The following GRK7 variants were observed in gnomAD, a reference collection of about 807,000 sequenced individuals.
GRK7 encodes rhodopsin kinase GRK7.
GRK7 carries 24 observed loss-of-function variants against 34.1 expected under a neutral mutation model. The ratio of observed to expected loss-of-function variants is 0.70; its 90% CI spans 0.51 to 0.99. The LOEUF is 0.99. Ranked by LOEUF, GRK7 falls within the 50% of genes least tolerant of loss-of-function variation. The pLI, the probability that GRK7 is intolerant of heterozygous loss-of-function variation, is 0.00. For missense variants in GRK7, 644 were observed against 707.3 expected (o/e 0.91, Z 1.02); for synonymous variants, 256 against 279.4 (o/e 0.92, Z 0.84).
chr3:141,792,403 CAA>C (rs112448886), intron 4 of GRK7, among the ~76,000 whole-genome samples: 79 of 84,528 alleles, frequency 9.3e-4, no homozygotes, highest in South Asian at 3.1e-3. Flanking sequence ...GATTTTGTCT[CAA>C]AAAAAAAAAA....
At chr3:141,810,138 G>A (rs571239076) in intron 5 of GRK7, among the ~76,000 whole-genome samples, 24 of 152,260 alleles carry the variant, frequency 1.6e-4, no homozygotes, top group Admixed American at 6.5e-4. Context: ...CAGAAGAAAC[G>A]GTAATTCTGC....
chr3:141,777,508 T>G (rs1449868418), intron 2 of GRK7, among the ~76,000 whole-genome samples: 2 of 115,662 alleles, frequency 1.7e-5, no homozygotes, highest in African/African-American at 3.3e-5. Flanking sequence ...TTTTTTTTTG[T>G]ATTTTTTTTA....
intron 4 of GRK7, among the ~76,000 whole-genome samples, chr3:141,789,227 A>G (rs563047547): frequency 4.3e-4 from 65 of 152,328 alleles, no homozygotes; most frequent in Non-Finnish European, 6.2e-4. Flanking sequence ...CTTCAGAAAA[A>G]TGAAATTAAC....
chr3:141,762,700 G>A (rs992388554), upstream of GRK7, among the ~76,000 whole-genome samples: 2 of 151,902 alleles, frequency 1.3e-5, no homozygotes, highest in African/African-American at 2.4e-5. Flanking sequence ...AATGGCGGGC[G>A]CCCCTCCCCC....
At position 141,807,795 on chromosome 3, in the gene GRK7, G is replaced by A; in HGVS notation, c.1201G>A (p.Glu401Lys). The change falls in exon 5 of 6, where the codon GAG becomes AAG. Residue 401 changes from glutamate to lysine, a missense_variant. Physicochemically the swap from Glu to Lys is moderately conservative, Grantham distance 56. Transcript: ENST00000682958. ...FKDYKEKVSKEDLKQRTLQDE... is the reference protein window; with the variant it reads ...FKDYKEKVSKKDLKQRTLQDE... ...AGATTACAAGGAAAAGGTCAGTAAA[G>A]AGGATCTGAAGCAAAGAACTCTGCA... The A allele has an allele frequency of 6.2e-7, 1 of 1,614,224 alleles. No individual in the cohort carries two copies. The highest frequency in any genetic ancestry group is 1.3e-5 in the African/African-American group (1 of 75,062).
chr3:141,769,543 A>C (rs947802857), intron 1 of GRK7, among the ~76,000 whole-genome samples: 9 of 152,254 alleles, frequency 5.9e-5, no homozygotes, highest in African/African-American at 2.2e-4. Flanking sequence ...AGGATGGCTT[A>C]ACTGATAATG....
chr3:141,814,418 T>C (rs1204807163), intron 5 of GRK7, among the ~76,000 whole-genome samples: 1 of 152,124 alleles, frequency 6.6e-6, no homozygotes, highest in Admixed American at 6.5e-5. Context: ...GCTGTTCCCA[T>C]CTTTATGTCC....
chr3:141,762,785 G>A (rs927156595), upstream of GRK7, among the ~76,000 whole-genome samples: 13 of 152,204 alleles, frequency 8.5e-5, no homozygotes, highest in South Asian at 2.1e-4. Context: ...GGGAGATTCC[G>A]TGGGGTAGGA....
At chr3:141,751,703 G>T in the GRK7 span, among the ~76,000 whole-genome samples, 1 of 152,160 alleles carries the variant, frequency 6.6e-6, no homozygotes, top group Admixed American at 6.5e-5. Context: ...TAATAGTATA[G>T]CTACTAGCCA....
At chr3:141,762,199 T>TTA (rs538856320), upstream of GRK7, among the ~76,000 whole-genome samples, 453 of 151,676 alleles carry the variant, frequency 3.0e-3, 6 homozygotes, top group African/African-American at 0.011. Flanking sequence ...GCTCTGCGTT[T>TTA]TAGAGTTTCC....
At chr3:141,795,063 C>A (rs796481657) in intron 4 of GRK7, among the ~76,000 whole-genome samples, 1 of 152,140 alleles carries the variant, frequency 6.6e-6, no homozygotes, top group African/African-American at 2.4e-5. Context: ...GGAAGGGCAC[C>A]CAGCCCAACA....
At position 141,778,840 on chromosome 3, in the gene GRK7, G is replaced by A; in HGVS notation, c.556G>A (p.Val186Met). Residue 186 changes from valine to methionine, a missense_variant, in exon 3 of 6, where the codon GTG becomes ATG. By Grantham distance (21) the Val-to-Met change is conservative. Coordinates refer to ENST00000682958, the MANE Select transcript of GRK7 (RefSeq NM_139209.3). The surrounding 1 kb of genome is among the most constrained non-coding windows in gnomAD (Gnocchi z 4.1). ...GTGGAAACTCTTCGAGATGCAACCA[G>A]TGTCAGACAAGTACTTCACTGAGTT... ...LQWKLFEMQP[V>M]SDKYFTEFRV... is the part of the protein sequence containing the mutation. 6.2e-7 allele frequency: 1 copy of A among 1,612,612 alleles called. No individual in the cohort carries two copies.
rs1711183714 is a variant in GRK7, at chr3:141,819,091, T to A, written c.*2041T>A. ...AAAGTAAATTAAAGTTTGGTTAAGTTTTGAACAAGTCCCTTTTAACAAAAA... is the reference window on the plus strand; with the variant it reads ...AAAGTAAATTAAAGTTTGGTTAAGTATTGAACAAGTCCCTTTTAACAAAAA... On this transcript the variant is annotated 3_prime_UTR_variant, in exon 6 of 6. Transcript: ENST00000682958. 6.6e-6 allele frequency among the ~76,000 whole-genome samples: 1 copy of A among 152,130 alleles called. No homozygotes were observed. Among genetic ancestry groups the A allele is most frequent in the South Asian group, 2.1e-4 (1 of 4,830 alleles).
chr3:141,817,013 G>A lies in GRK7; in HGVS notation c.1625G>A (p.Gly542Asp), dbSNP rs554988724. The A allele has an allele frequency of 2.5e-6, 4 of 1,610,878 alleles. No homozygotes were observed. The highest frequency in any genetic ancestry group is 1.7e-5 in the Admixed American group (1 of 59,436). ...DPNRPTGCEE[G>D]NSSKSGVCLL... ...AACAGACCTACGGGTTGTGAGGAGGGTAATTCATCCAAGTCTGGCGTGTGT... is the reference window on the plus strand; with the variant it reads ...AACAGACCTACGGGTTGTGAGGAGGATAATTCATCCAAGTCTGGCGTGTGT... Residue 542 changes from glycine to aspartate, a missense_variant, in exon 6 of 6, where the codon GGT becomes GAT. Coordinates refer to ENST00000682958, the MANE Select transcript of GRK7 (RefSeq NM_139209.3).
intron 4 of GRK7, among the ~76,000 whole-genome samples, chr3:141,804,114 C>T (rs989691669): frequency 1.3e-5 from 2 of 152,170 alleles, no homozygotes; most frequent in African/African-American, 2.4e-5. Flanking sequence ...TCTATCCATC[C>T]ATGTAATCAA....
chr3:141,806,399 C>T (rs1321798245), intron 4 of GRK7, among the ~76,000 whole-genome samples: 6 of 151,896 alleles, frequency 4.0e-5, no homozygotes, highest in Non-Finnish European at 8.8e-5. Flanking sequence ...CCCATCTCCA[C>T]GAAAAATACA....
At chr3:141,786,200 G>C (rs2084695376) in intron 4 of GRK7, among the ~76,000 whole-genome samples, 1 of 152,114 alleles carries the variant, frequency 6.6e-6, no homozygotes, top group Admixed American at 6.6e-5. Flanking sequence ...ATTAGGTGTT[G>C]GGTGAGCTGA....
rs2084577957 is a variant in GRK7 at position 141,765,753 on chromosome 3, GAGCTGCC to G, written c.-215+16_-215+22del. ...AGTGAGTCCAGGTGAGACCAGCAAA[GAGCTGCC>G]CAATCAAAGCAAATCTGTATATTTG... On this transcript the variant is annotated intron_variant, in intron 1 of 5. Transcript: ENST00000682958. Among the ~76,000 whole-genome samples the G allele has an allele frequency of 1.3e-5, 2 of 152,166 alleles. No individual in the cohort carries two copies. Among genetic ancestry groups the G allele is most frequent in the Non-Finnish European group, 2.9e-5 (2 of 68,040 alleles).
At chr3:141,783,572 T>G (rs1246685497) in intron 4 of GRK7, among the ~76,000 whole-genome samples, 1 of 151,928 alleles carries the variant, frequency 6.6e-6, no homozygotes, top group East Asian at 1.9e-4. Context: ...GATTTGGCAA[T>G]TAGGAAATCA....
Sources: gnomAD v4.1 joint callset for allele counts (sites outside exome capture counted in the v4.1 genomes callset) on GRCh38, gnomAD v4.1.1 for gene constraint, Gnocchi (gnomAD v3.1) non-coding constraint, MANE v1.5 for transcripts, NCBI Gene and HGNC (gene_info 2026-07-23, HGNC 2026-07-21) for gene names.